The following BLM variants were observed in gnomAD, a reference collection of about 807,000 sequenced individuals.
The protein encoded by BLM is BLM RecQ like helicase.
BLM carries 95 observed loss-of-function variants against 135.3 expected under a neutral mutation model. The observed-to-expected ratio is 0.70, with a 90% CI of 0.59 to 0.83. The LOEUF (loss-of-function observed/expected upper bound fraction) is 0.83, where lower values mean the gene tolerates loss of function less well. Ranked by LOEUF, BLM falls within the 40% of genes least tolerant of loss-of-function variation. The pLI, the probability that BLM is intolerant of heterozygous loss-of-function variation, is 0.00. For missense variants in BLM, 1,518 were observed against 1,663.9 expected, an observed-to-expected ratio of 0.91 and a Z score of 1.53; for synonymous variants, 520 against 589.2, an observed-to-expected ratio of 0.88 and a Z score of 1.70.
intron 1 of BLM, among the ~76,000 whole-genome samples, chr15:90,726,914 A>G (rs553564544): frequency 1.8e-4 from 27 of 152,142 alleles, no homozygotes; most frequent in Non-Finnish European, 3.2e-4. Context: ...TGTCTCTTTG[A>G]TATACTGACA....
chr15:90,755,614 A>G (rs1280192561), intron 5 of BLM, among the ~76,000 whole-genome samples: 1 of 152,064 alleles, frequency 6.6e-6, no homozygotes, highest in Non-Finnish European at 1.5e-5. Flanking sequence ...CTGAAAATAT[A>G]CATCCTCTTG....
chr15:90,771,196 G>A (rs927807083), intron 12 of BLM, among the ~76,000 whole-genome samples: 3 of 152,152 alleles, frequency 2.0e-5, no homozygotes, highest in African/African-American at 7.2e-5. Flanking sequence ...TATTTAAGAT[G>A]TCGTATTAGG....
At position 90,811,230 on chromosome 15, in the gene BLM, C is replaced by G. The variant is rs769564626; in HGVS notation, c.3900C>G (p.Ser1300Arg). Reference sequence around the variant, plus strand: ...CTGAAGACAGTTCCCCAGGGATAAGCCTGTCCAGCAGCAGAGGCCCCGGAA... The same window carrying G: ...CTGAAGACAGTTCCCCAGGGATAAGGCTGTCCAGCAGCAGAGGCCCCGGAA... The part of the protein sequence containing the change: ...SPAEDSSPGI[S>R]LSSSRGPGRS... Residue 1300 changes from serine (S) to arginine (R), a missense_variant, in exon 21 of 22, where the codon AGC becomes AGG. Ser to Arg is a moderately radical substitution (Grantham distance 110). Transcript: ENST00000355112. The G allele has an allele frequency of 2.5e-6, 4 of 1,613,656 alleles. No homozygotes were observed. The Admixed American group carries it at 6.7e-5, about 27-fold the overall frequency.
chr15:90,814,654 C>T (rs968696483), intron 21 of BLM, among the ~76,000 whole-genome samples: 2 of 152,182 alleles, frequency 1.3e-5, no homozygotes, highest in Non-Finnish European at 2.9e-5. Flanking sequence ...CCCACAGCTG[C>T]CTTGCTCTGG....
In BLM at chr15:90,815,515, G is replaced by A; in HGVS notation, c.*236G>A. The A allele has an allele frequency of 1.9e-6, 1 of 538,732 alleles. No individual in the cohort carries two copies. Among genetic ancestry groups the A allele is most frequent in the Middle Eastern group, 5.1e-4 (1 of 1,968 alleles). The allele number at this position is 538,732 out of a possible 1,614,324, so 33.4% of individuals were successfully genotyped here. ...GCCGTTGTTTCTCAGAACGTCTGAG[G>A]CAGCAGCTGAATCATCTCAGTGCAA... On this transcript the variant is annotated 3_prime_UTR_variant, in exon 22 of 22. Coordinates refer to ENST00000355112, the MANE Select transcript of BLM (RefSeq NM_000057.4). This position sits in a 1 kb window ranked among gnomAD's most constrained non-coding sequence, Gnocchi z 4.6.
chr15:90,784,318 A>G (rs2151179182), intron 13 of BLM, among the ~76,000 whole-genome samples: 2 of 140,868 alleles, frequency 1.4e-5, no homozygotes, highest in Middle Eastern at 3.7e-3. Flanking sequence ...TTGTGCAAGA[A>G]TGGCTTTTCT....
rs777584683 is a variant in BLM at position 90,784,966 on chromosome 15, C to A, written c.2708C>A (p.Thr903Asn). 1.2e-6 allele frequency: 2 copies of A among 1,614,112 alleles called. No individual in the cohort carries two copies. Among genetic ancestry groups the A allele is most frequent in the Non-Finnish European group, 1.7e-6 (2 of 1,180,024 alleles). ...TGCCTCTCCAGGCGAGAATGTGACACCATGGCTGACACGTTACAGAGAGAT... is the reference window on the plus strand; with the variant it reads ...TGCCTCTCCAGGCGAGAATGTGACAACATGGCTGACACGTTACAGAGAGAT... ...IYCLSRRECDTMADTLQRDGL... is the reference protein window; with the variant it reads ...IYCLSRRECDNMADTLQRDGL... Residue 903 changes from threonine (T) to asparagine (N), a missense_variant, in exon 14 of 22, where the codon ACC becomes AAC. By Grantham distance (65) the Thr-to-Asn change is moderately conservative. Transcript: ENST00000355112.
At chr15:90,791,849 A>G (rs536048955) in intron 15 of BLM, among the ~76,000 whole-genome samples, 25 of 152,226 alleles carry the variant, frequency 1.6e-4, no homozygotes, top group African/African-American at 6.0e-4. Context: ...CATGGTGTCC[A>G]GGCTGGTCTC....
At chr15:90,755,424 C>G (rs1404017878) in intron 5 of BLM, 1 of 159,090 alleles carries the variant, frequency 6.3e-6, no homozygotes, top group Non-Finnish European at 1.4e-5. Flanking sequence ...TACTCTGAGT[C>G]TAGGTCTGGG....
Position 90,808,713 on chromosome 15 carries a change from T to C in BLM, c.3752-424T>C, listed in dbSNP as rs992795487. The C allele has an allele frequency of 2.2e-5, 6 of 269,930 alleles. No individual in the cohort carries two copies. In the Admixed American group the frequency reaches 3.0e-4, roughly 13 times the overall value. 16.7% of individuals were successfully genotyped at this position (269,930 alleles called of 1,614,324 possible). A position where few individuals can be genotyped will look rare whatever the true frequency, so the allele number is the denominator to read the frequency against. On this transcript the variant is annotated intron_variant, in intron 19 of 21. Transcript: ENST00000355112. Reference sequence around the variant, plus strand: ...TTTGGTTATGCCGTCTAGGGTGGGGTGTACAAGTCTGGAGTGCAGAGAAGA... The same window carrying C: ...TTTGGTTATGCCGTCTAGGGTGGGGCGTACAAGTCTGGAGTGCAGAGAAGA...
chr15:90,773,453 T>A (rs1240182659), intron 12 of BLM, among the ~76,000 whole-genome samples: 1 of 150,494 alleles, frequency 6.6e-6, no homozygotes, highest in Non-Finnish European at 1.5e-5. Context: ...CTTAAACAGC[T>A]GTATTGAAAT....
intron 1 of BLM, among the ~76,000 whole-genome samples, chr15:90,729,529 A>G (rs940249704): frequency 2.0e-5 from 3 of 152,112 alleles, no homozygotes; most frequent in African/African-American, 7.2e-5. Flanking sequence ...CTCCTCCATT[A>G]TCAAAGCCAG....
At position 90,790,367 on chromosome 15, in the gene BLM, T is replaced by C. The variant is rs980329870; in HGVS notation, c.2824-282T>C. On this transcript the variant is annotated intron_variant, in intron 14 of 21. Coordinates refer to ENST00000355112, the MANE Select transcript of BLM (RefSeq NM_000057.4). ...GCAGCACATCGTGGGCTGACTGCAG[T>C]TGATTCTGGCTCTCTTACATGAGAA... The C allele has an allele frequency of 9.1e-6, 4 of 440,590 alleles. No homozygotes were observed. In the Admixed American group the frequency reaches 1.1e-4, roughly 12 times the overall value. 27.3% of individuals were successfully genotyped at this position (440,590 alleles called of 1,614,324 possible).
intron 12 of BLM, among the ~76,000 whole-genome samples, chr15:90,773,095 CAAA>C (rs780966709): frequency 4.6e-5 from 2 of 43,438 alleles, no homozygotes; most frequent in Non-Finnish European, 8.3e-5. Context: ...GAGACTGTCT[CAAA>C]AAAAAAAAAA....
intron 10 of BLM, among the ~76,000 whole-genome samples, chr15:90,768,222 C>A (rs369174119): frequency 3.2e-4 from 48 of 152,238 alleles, no homozygotes; most frequent in African/African-American, 1.1e-3. Flanking sequence ...GGATTACAAG[C>A]GTGAGCCACT....
chr15:90,815,239 T>C lies in BLM; in HGVS notation c.4214T>C (p.Ile1405Thr), dbSNP rs763323767. Residue 1405 changes from isoleucine (I) to threonine (T), a missense_variant, in exon 22 of 22, where the codon ATA (isoleucine) becomes ACA (threonine). Physicochemically the swap from Ile to Thr is moderately conservative, Grantham distance 89. Transcript: ENST00000355112. The surrounding 1 kb of genome is among the most constrained non-coding windows in gnomAD (Gnocchi z 4.6). ...GGGATTATGGCTCCACCGAAGCCTA[T>C]AAATAGACCGTTTCTTAAGCCTTCA... is the stretch of plus-strand genomic sequence containing the variant. ...KLGIMAPPKP[I>T]NRPFLKPSYA... 22 of 1,614,194 alleles carry C rather than the reference T, an allele frequency of 1.4e-5. No individual in the cohort carries two copies. Among genetic ancestry groups the C allele is most frequent in the Non-Finnish European group, 1.9e-5 (22 of 1,180,020 alleles).
chr15:90,790,393 T>C (rs559555731), intron 14 of BLM: 2 of 492,264 alleles, frequency 4.1e-6, no homozygotes, highest in Middle Eastern at 5.9e-4. Context: ...TACATGAGAA[T>C]GCCAAGTCAT....
chr15:90,769,693 C>T, intron 12 of BLM, 107 bp downstream of exon 12: 2 of 1,325,566 alleles, frequency 1.5e-6, no homozygotes, highest in Non-Finnish European at 2.1e-6. Flanking sequence ...CCCACCCCCA[C>T]CCCACCCCCA....
At chr15:90,805,539 C>T (rs1897268617) in intron 19 of BLM, among the ~76,000 whole-genome samples, 1 of 151,820 alleles carries the variant, frequency 6.6e-6, no homozygotes, top group Non-Finnish European at 1.5e-5. Context: ...CCTGTAATCA[C>T]AGCACTTTGG....
Sources: allele counts gnomAD v4.1 joint callset (sites outside exome capture counted in the v4.1 genomes callset), GRCh38; gene constraint gnomAD v4.1.1; non-coding constraint Gnocchi (gnomAD v3.1); transcripts MANE v1.5; gene names NCBI Gene and HGNC (gene_info 2026-07-23, HGNC 2026-07-21).